Variants in KCNMB2 observed in about 807,000 individuals in gnomAD.
KCNMB2 encodes potassium calcium-activated channel subfamily M regulatory beta subunit 2, also known as calcium-activated potassium channel subunit beta-2.
A neutral mutation model predicts 24.5 loss-of-function variants in KCNMB2; 9 were observed. The observed-to-expected ratio is 0.37, with a 90% CI of 0.22 to 0.64. KCNMB2 has a LOEUF of 0.64. Ranked by LOEUF, KCNMB2 falls within the 30% of genes least tolerant of loss-of-function variation. KCNMB2 has a pLI of 0.63. For synonymous variants in KCNMB2, 109 were observed against 104.4 expected, an observed-to-expected ratio of 1.04 and a Z score of -0.27; for missense variants, 226 against 284.3, an observed-to-expected ratio of 0.79 and a Z score of 1.47.
At chr3:178,730,416 CA>C (rs1723111944) in intron 1 of KCNMB2, among the ~76,000 whole-genome samples, 2 of 142,908 alleles carry the variant, frequency 1.4e-5, no homozygotes, top group African/African-American at 5.3e-5. Context: ...CCCCCCCACA[CA>C]CACACACACA....
intron 1 of KCNMB2, among the ~76,000 whole-genome samples, chr3:178,681,949 C>T (rs895802434): frequency 2.6e-5 from 4 of 152,186 alleles, no homozygotes; most frequent in African/African-American, 9.7e-5. Context: ...TCACCACTCT[C>T]AGTATCCCCA....
chr3:178,835,848 C>CA (rs1715209363), intron 4 of KCNMB2, among the ~76,000 whole-genome samples: 1 of 152,088 alleles, frequency 6.6e-6, no homozygotes, highest in Admixed American at 6.6e-5. Context: ...GCCACATTCT[C>CA]AATTCATTTC....
intron 1 of KCNMB2, among the ~76,000 whole-genome samples, chr3:178,779,756 ATTGTAG>A (rs1712745589): frequency 6.6e-6 from 1 of 152,134 alleles, no homozygotes; most frequent in Admixed American, 6.5e-5. Flanking sequence ...CATAATTGAT[ATTGTAG>A]TTGTTCTCTT....
chr3:178,823,613 A>T (rs1714718868), intron 2 of KCNMB2, among the ~76,000 whole-genome samples: 2 of 152,216 alleles, frequency 1.3e-5, no homozygotes. Context: ...TTAAGTACAT[A>T]CACACTCCAT....
intron 1 of KCNMB2, among the ~76,000 whole-genome samples, chr3:178,621,083 C>T (rs1277354685): frequency 6.6e-6 from 1 of 151,934 alleles, no homozygotes; most frequent in Non-Finnish European, 1.5e-5. Flanking sequence ...CTTAATTTGC[C>T]GGGAATATGC....
At chr3:178,688,031 C>T (rs1721525982) in intron 1 of KCNMB2, among the ~76,000 whole-genome samples, 1 of 151,960 alleles carries the variant, frequency 6.6e-6, no homozygotes, top group African/African-American at 2.4e-5. Context: ...TAATGGAATA[C>T]AGGAGGAGGA....
intron 1 of KCNMB2, among the ~76,000 whole-genome samples, chr3:178,764,505 A>T (rs7631685): frequency 0.34 from 51,317 of 152,130 alleles, 10,159 homozygotes; most frequent in African/African-American, 0.56. Context: ...AATAGGCTAC[A>T]CTATATAGTC....
chr3:178,780,551 T>A (rs1048042295), intron 1 of KCNMB2, among the ~76,000 whole-genome samples: 4 of 152,194 alleles, frequency 2.6e-5, no homozygotes, highest in African/African-American at 9.6e-5. Context: ...GGTATTACAA[T>A]TTCAAGTGGC....
intron 1 of KCNMB2, among the ~76,000 whole-genome samples, chr3:178,750,658 A>C (rs950615412): frequency 1.3e-5 from 2 of 152,256 alleles, no homozygotes; most frequent in African/African-American, 4.8e-5. Context: ...GCATGCAGAC[A>C]GACTTTTGCA....
intron 1 of KCNMB2, among the ~76,000 whole-genome samples, chr3:178,602,466 G>A (rs1718117522): frequency 6.6e-6 from 1 of 151,920 alleles, no homozygotes. Flanking sequence ...CAAGGAATCA[G>A]CAATTACAAT....
chr3:178,610,775 G>T (rs1420694813), intron 1 of KCNMB2, among the ~76,000 whole-genome samples: 3 of 152,168 alleles, frequency 2.0e-5, no homozygotes, highest in African/African-American at 4.8e-5. Flanking sequence ...AGGATCTCCA[G>T]TACTATTTTG....
intron 1 of KCNMB2, among the ~76,000 whole-genome samples, chr3:178,772,215 G>A (rs1166919464): frequency 6.6e-6 from 1 of 152,182 alleles, no homozygotes; most frequent in African/African-American, 2.4e-5. Flanking sequence ...CCACTTGAAT[G>A]TGTTAGCTTG....
intron 1 of KCNMB2, among the ~76,000 whole-genome samples, chr3:178,752,522 TA>T (rs1451156165): frequency 8.5e-5 from 13 of 152,094 alleles, no homozygotes; most frequent in African/African-American, 2.9e-4. Context: ...ATCTTGGAGG[TA>T]AATGGAAGCC....
chr3:178,680,695 C>T (rs9840402), intron 1 of KCNMB2, among the ~76,000 whole-genome samples: 2,446 of 152,256 alleles, frequency 0.016, 68 homozygotes, highest in African/African-American at 0.056. Context: ...AGGGACACCA[C>T]GCTCTCCTGG....
At chr3:178,828,519 G>A (rs955998593) in intron 4 of KCNMB2, 146 bp downstream of exon 4, 1 of 594,750 alleles carries the variant, frequency 1.7e-6, no homozygotes, top group African/African-American at 1.9e-5. Flanking sequence ...AACTTGCTAT[G>A]TGACTCTTGC....
At chr3:178,678,565 A>ACACATT (rs1399931656) in intron 1 of KCNMB2, among the ~76,000 whole-genome samples, 6 of 152,206 alleles carry the variant, frequency 3.9e-5, no homozygotes. Context: ...TTGCCTTGGA[A>ACACATT]CACATTTTTG....
At chr3:178,548,132 C>G (rs1328681546) in intron 1 of KCNMB2, among the ~76,000 whole-genome samples, 1 of 152,152 alleles carries the variant, frequency 6.6e-6, no homozygotes. Flanking sequence ...CAACTCTACC[C>G]TCATATTTTT....
intron 1 of KCNMB2, among the ~76,000 whole-genome samples, chr3:178,726,101 A>C (rs1017647795): frequency 2.0e-5 from 3 of 152,004 alleles, no homozygotes; most frequent in Non-Finnish European, 4.4e-5. Flanking sequence ...ATAATATTTT[A>C]GTGGCCCTTT....
chr3:178,768,703 T>C (rs1712223867), intron 1 of KCNMB2, among the ~76,000 whole-genome samples: 2 of 152,152 alleles, frequency 1.3e-5, no homozygotes, highest in Non-Finnish European at 2.9e-5. Context: ...TGCCCATTTC[T>C]AGAGAGAGGC....
Sources: gnomAD v4.1 joint callset for allele counts (sites outside exome capture counted in the v4.1 genomes callset) on GRCh38, gnomAD v4.1.1 for gene constraint, MANE v1.5 for transcripts, NCBI Gene and HGNC (gene_info 2026-07-23, HGNC 2026-07-21) for gene names.